The following CCDC30 variants were observed in gnomAD, a reference collection of about 807,000 sequenced individuals.
CCDC30 encodes the protein coiled-coil domain-containing protein 30.
In CCDC30, 70 loss-of-function variants were observed where a neutral mutation model predicts 100.2. That is an observed-to-expected ratio of 0.70 (90% CI 0.58 to 0.85). The LOEUF is 0.85. CCDC30 is among the 40% of genes least tolerant of loss of function. The pLI is 0.00. For synonymous variants in CCDC30, 233 were observed against 269.5 expected, an observed-to-expected ratio of 0.86 and a Z score of 1.33; for missense variants, 652 against 771.2, an observed-to-expected ratio of 0.85 and a Z score of 1.83.
At chr1:42,480,650 TAAG>T in intron 2 of CCDC30, 84 bp downstream of exon 2, 2 of 979,668 alleles carry the variant, frequency 2.0e-6, no homozygotes, top group South Asian at 4.7e-5. Flanking sequence ...TGAATTTTGT[TAAG>T]AAGAAATTGG....
intron 11 of CCDC30, among the ~76,000 whole-genome samples, chr1:42,633,393 C>A (rs978305708): frequency 2.0e-5 from 3 of 152,084 alleles, no homozygotes; most frequent in Admixed American, 2.0e-4. Flanking sequence ...TTCATCCTCT[C>A]CCCTCCCTGA....
intron 1 of CCDC30, chr1:42,473,056 A>C (rs1209532116): frequency 8.2e-7 from 1 of 1,216,308 alleles, no homozygotes; most frequent in African/African-American, 1.6e-5. Flanking sequence ...ACCCACATAG[A>C]TATCTTGCAT....
rs542183141 is a variant in CCDC30, at chr1:42,557,966, C to T, written c.457-8330C>T. Among the ~76,000 whole-genome samples the T allele has an allele frequency of 8.7e-4, 133 of 152,144 alleles. 2 individuals are homozygous for T. The South Asian group carries it at 0.025, about 29-fold the overall frequency. Reference sequence around the variant, plus strand: ...AAAAGACCCCTGTGTACTTACCTTGCTCTTTTTTGTGGTTCCTAGTAACCT... The same window carrying T: ...AAAAGACCCCTGTGTACTTACCTTGTTCTTTTTTGTGGTTCCTAGTAACCT... On this transcript the variant is annotated intron_variant, in intron 6 of 16. Coordinates refer to ENST00000668663, the Ensembl canonical transcript of CCDC30.
intron 6 of CCDC30, among the ~76,000 whole-genome samples, chr1:42,555,453 C>T (rs1222337711): frequency 6.6e-6 from 1 of 152,186 alleles, no homozygotes; most frequent in African/African-American, 2.4e-5. Context: ...TATCCTCATT[C>T]ATCACTAAAT....
chr1:42,639,803 T>C (rs1647259824), intron 12 of CCDC30, among the ~76,000 whole-genome samples: 1 of 152,110 alleles, frequency 6.6e-6, no homozygotes, highest in African/African-American at 2.4e-5. Flanking sequence ...TTTTTTGGTA[T>C]ATAATCTCTT....
intron 6 of CCDC30, among the ~76,000 whole-genome samples, chr1:42,546,395 AAAAAATATATATATATATATAT>A (rs1645135949): frequency 5.3e-4 from 6 of 11,420 alleles, no homozygotes; most frequent in African/African-American, 1.3e-3. Flanking sequence ...CAAAAAAAAA[AAAAAATATATATATATATATAT>A]ATATATATAT....
chr1:42,651,204 G>A (rs2148698990), intron 15 of CCDC30, among the ~76,000 whole-genome samples: 1 of 152,120 alleles, frequency 6.6e-6, no homozygotes, highest in East Asian at 1.9e-4. Context: ...AAAGCTCAGG[G>A]AACAAAAACA....
chr1:42,610,900 T>TA, intron 10 of CCDC30, 78 bp from the exon 15 acceptor site: 1 of 629,928 alleles, frequency 1.6e-6, no homozygotes, highest in Admixed American at 3.0e-5. Flanking sequence ...TTTTTTTTTT[T>TA]ACCAGAAAGA....
intron 6 of CCDC30, among the ~76,000 whole-genome samples, chr1:42,518,464 T>A (rs1252408251): frequency 6.6e-6 from 1 of 152,228 alleles, no homozygotes; most frequent in African/African-American, 2.4e-5. Flanking sequence ...CCCATATGGT[T>A]ATAATACTGT....
intron 6 of CCDC30, among the ~76,000 whole-genome samples, chr1:42,555,878 C>T (rs749940368): frequency 2.0e-4 from 31 of 152,116 alleles, no homozygotes; most frequent in African/African-American, 5.5e-4. Context: ...TTAGTAGAGA[C>T]GGGGTTTCAC....
chr1:42,473,766 G>A (rs1049132341), intron 1 of CCDC30, among the ~76,000 whole-genome samples: 1 of 152,112 alleles, frequency 6.6e-6, no homozygotes, highest in Non-Finnish European at 1.5e-5. Context: ...TATTTTTGGT[G>A]GCTGATGTAT....
At chr1:42,542,374 C>CT (rs1362827934) in intron 6 of CCDC30, among the ~76,000 whole-genome samples, 9 of 150,692 alleles carry the variant, frequency 6.0e-5, no homozygotes, top group Non-Finnish European at 1.2e-4. Flanking sequence ...CTGTTTTATC[C>CT]TTTTTTTTTC....
chr1:42,566,373 C>T (rs1163819086), exon 7 of CCDC30: 10 of 1,613,944 alleles, frequency 6.2e-6, no homozygotes, highest in Middle Eastern at 1.6e-4. Context: ...TGCACCGGCT[C>T]CAGATTCTAT....
chr1:42,577,974 A>C (rs112862284), intron 8 of CCDC30, among the ~76,000 whole-genome samples: 3,356 of 152,226 alleles, frequency 0.022, 134 homozygotes, highest in African/African-American at 0.076. Context: ...ATGTATAGTG[A>C]TCAGATCAGG....
intron 3 of CCDC30, among the ~76,000 whole-genome samples, chr1:42,484,542 C>T (rs1171531798): frequency 1.3e-5 from 2 of 152,148 alleles, no homozygotes; most frequent in East Asian, 3.9e-4. Context: ...AAGCCATCTC[C>T]ACAGTGAGTC....
At chr1:42,578,535 A>G (rs1389477904) in intron 8 of CCDC30, among the ~76,000 whole-genome samples, 1 of 152,198 alleles carries the variant, frequency 6.6e-6, no homozygotes, top group Admixed American at 6.5e-5. Context: ...TTATAATTCC[A>G]TTAAAAAGTA....
intron 9 of CCDC30, among the ~76,000 whole-genome samples, chr1:42,585,985 T>C (rs1646061141): frequency 6.6e-6 from 1 of 152,216 alleles, no homozygotes; most frequent in Non-Finnish European, 1.5e-5. Flanking sequence ...TCTCTATACA[T>C]AAGACTTTGC....
rs574857071 is a variant in CCDC30 at position 42,473,316 on chromosome 1, A to G, written c.-91-7145A>G. 1.4e-5 allele frequency: 17 copies of G among 1,209,252 alleles called. No individual in the cohort carries two copies. In the African/African-American group the frequency reaches 2.7e-4, roughly 19 times the overall value. 74.9% of individuals were successfully genotyped at this position (1,209,252 alleles called of 1,614,324 possible). Reference sequence around the variant, plus strand: ...TGAAACAAAAGAAGTGAGAACTAATAGCATAGAATTTTAAAGACACCTGTG... The same window carrying G: ...TGAAACAAAAGAAGTGAGAACTAATGGCATAGAATTTTAAAGACACCTGTG... On this transcript the variant is annotated intron_variant, in intron 1 of 16. Transcript: ENST00000668663.
chr1:42,509,912 A>G (rs954588935), intron 6 of CCDC30, among the ~76,000 whole-genome samples: 15 of 152,134 alleles, frequency 9.9e-5, no homozygotes, highest in African/African-American at 3.6e-4. Flanking sequence ...TTTTGCCAGT[A>G]TGTCAAGCTT....
Sources: gnomAD v4.1 joint callset for allele counts (sites outside exome capture counted in the v4.1 genomes callset) on GRCh38, gnomAD v4.1.1 for gene constraint, MANE v1.5 for transcripts, NCBI Gene and HGNC (gene_info 2026-07-23, HGNC 2026-07-21) for gene names.